The following TUSC3 variants were observed in gnomAD, a reference collection of about 807,000 sequenced individuals.
TUSC3 encodes the protein tumor suppressor candidate 3, also known as dolichyl-diphosphooligosaccharide--protein glycosyltransferase subunit TUSC3.
TUSC3 carries 45 observed loss-of-function variants against 44.8 expected under a neutral mutation model. The ratio of observed to expected loss-of-function variants is 1.00; its 90% CI spans 0.79 to 1.29. The LOEUF (loss-of-function observed/expected upper bound fraction) is 1.29. Among genes scored for constraint, TUSC3 ranks in the 50% most tolerant of loss-of-function variants. The pLI, the probability that TUSC3 is intolerant of heterozygous loss-of-function variation, is 0.00. For missense variants in TUSC3, 519 were observed against 437.9 expected, an observed-to-expected ratio of 1.19 and a Z score of -1.65; for synonymous variants, 212 against 152.9, an observed-to-expected ratio of 1.39 and a Z score of -2.85.
At chr8:15,767,075 G>C (rs1325191235), downstream of TUSC3, among the ~76,000 whole-genome samples, 1 of 152,020 alleles carries the variant, frequency 6.6e-6, no homozygotes, top group Non-Finnish European at 1.5e-5. Context: ...ATGTAATAAT[G>C]TTTTCTCTAA....
At chr8:15,719,350 T>C (rs1810200697) in intron 6 of TUSC3, among the ~76,000 whole-genome samples, 2 of 152,094 alleles carry the variant, frequency 1.3e-5, no homozygotes, top group African/African-American at 2.4e-5. Context: ...TGTGCTCAGA[T>C]GCCAAAGATG....
At chr8:15,469,997 T>A (rs147241507) in intron 1 of TUSC3, among the ~76,000 whole-genome samples, 42 of 152,180 alleles carry the variant, frequency 2.8e-4, no homozygotes, top group Non-Finnish European at 4.9e-4. Context: ...GGCTTACGCC[T>A]GTAATCCCAG....
chr8:15,768,318 T>C (rs1014535372), downstream of TUSC3, among the ~76,000 whole-genome samples: 2 of 152,126 alleles, frequency 1.3e-5, no homozygotes, highest in Admixed American at 1.3e-4. Context: ...CAAGCCGTGA[T>C]AACAAAACTT....
chr8:15,622,620 A>G (rs1473542850), intron 1 of TUSC3, among the ~76,000 whole-genome samples: 2 of 152,180 alleles, frequency 1.3e-5, no homozygotes, highest in Non-Finnish European at 2.9e-5. Flanking sequence ...GTAGAATCAT[A>G]CAACACTCTT....
chr8:15,447,897 A>G (rs1471496019), intron 1 of TUSC3, among the ~76,000 whole-genome samples: 2 of 151,590 alleles, frequency 1.3e-5, no homozygotes, highest in South Asian at 2.1e-4. Flanking sequence ...CAAAAAAATT[A>G]AAGGATATAA....
At chr8:15,471,703 C>T (rs1055242952) in intron 1 of TUSC3, among the ~76,000 whole-genome samples, 1 of 151,738 alleles carries the variant, frequency 6.6e-6, no homozygotes, top group African/African-American at 2.4e-5. Flanking sequence ...CTGCAACCTC[C>T]GCCCTCCAGG....
At chr8:15,588,117 T>G (rs939962188) in intron 1 of TUSC3, among the ~76,000 whole-genome samples, 3 of 152,122 alleles carry the variant, frequency 2.0e-5, no homozygotes, top group Non-Finnish European at 1.5e-5. Flanking sequence ...AGTTCTGTTT[T>G]TAGTTTTTTG....
the TUSC3 span, among the ~76,000 whole-genome samples, chr8:15,793,370 G>A: frequency 6.6e-6 from 1 of 152,012 alleles, no homozygotes; most frequent in African/African-American, 2.4e-5. Flanking sequence ...CTTTTCCCCT[G>A]TACTCCAGCC....
intron 1 of TUSC3, among the ~76,000 whole-genome samples, chr8:15,582,228 A>T (rs1446913597): frequency 6.6e-6 from 1 of 152,166 alleles, no homozygotes; most frequent in Non-Finnish European, 1.5e-5. Context: ...TAGTGAGAGA[A>T]ACCTGGTACC....
chr8:15,638,007 G>A (rs879900804), intron 2 of TUSC3, among the ~76,000 whole-genome samples: 2 of 152,090 alleles, frequency 1.3e-5, no homozygotes, highest in Non-Finnish European at 2.9e-5. Context: ...ACAAAGTGGT[G>A]CATTCTTAAG....
rs577540847 is a variant in TUSC3 at position 15,696,757 on chromosome 8, T to C, written c.798+22921T>C. Among the ~76,000 whole-genome samples the C allele has an allele frequency of 2.0e-5, 3 of 152,326 alleles. No homozygotes were observed. In the South Asian group the frequency reaches 6.2e-4, roughly 32 times the overall value. On this transcript the variant is annotated intron_variant, in intron 6 of 10. Transcript: ENST00000503731. Reference sequence around the variant, plus strand: ...GGGATATCTGTCTGTAGTTTTCTTTTTTGGTTATGTCTTTTCCTGGTTTTG... The same window carrying C: ...GGGATATCTGTCTGTAGTTTTCTTTCTTGGTTATGTCTTTTCCTGGTTTTG...
chr8:15,427,753 T>G (rs1799822217), intron 1 of TUSC3, among the ~76,000 whole-genome samples: 1 of 152,180 alleles, frequency 6.6e-6, no homozygotes, highest in South Asian at 2.1e-4. Context: ...TAACTACCAC[T>G]GCTAACAGCC....
At chr8:15,612,868 G>A (rs1024899962) in intron 1 of TUSC3, among the ~76,000 whole-genome samples, 16 of 151,930 alleles carry the variant, frequency 1.1e-4, no homozygotes, top group Admixed American at 2.6e-4. Flanking sequence ...AAAGCCAACC[G>A]ATCACCCACT....
At chr8:15,618,860 C>A (rs1805111705) in intron 1 of TUSC3, among the ~76,000 whole-genome samples, 2 of 152,090 alleles carry the variant, frequency 1.3e-5, no homozygotes, top group South Asian at 4.1e-4. Context: ...CCACGGCTGC[C>A]CTTCAGTATT....
At chr8:15,691,871 T>C (rs890587803) in intron 6 of TUSC3, among the ~76,000 whole-genome samples, 2 of 152,032 alleles carry the variant, frequency 1.3e-5, no homozygotes, top group Non-Finnish European at 2.9e-5. Context: ...CTCTGCCTCT[T>C]GGGTTCAAAC....
At chr8:15,711,463 C>T (rs1183762681) in intron 6 of TUSC3, among the ~76,000 whole-genome samples, 6 of 144,908 alleles carry the variant, frequency 4.1e-5, no homozygotes, top group Admixed American at 3.5e-4. Context: ...CAAAAAGGTA[C>T]GTGTGTGTGT....
chr8:15,584,789 G>C (rs1423050547), intron 1 of TUSC3, among the ~76,000 whole-genome samples: 3 of 152,122 alleles, frequency 2.0e-5, no homozygotes, highest in East Asian at 3.9e-4. Flanking sequence ...AGTATAGTGA[G>C]TTTAGGGAAT....
At chr8:15,776,404 T>G in the TUSC3 span, among the ~76,000 whole-genome samples, 6 of 152,060 alleles carry the variant, frequency 3.9e-5, no homozygotes, top group Non-Finnish European at 7.4e-5. Context: ...GGCTATTGCT[T>G]GATAACTAAG....
At chr8:15,543,138 T>A (rs1307253969) in intron 1 of TUSC3, among the ~76,000 whole-genome samples, 1 of 152,232 alleles carries the variant, frequency 6.6e-6, no homozygotes, top group Non-Finnish European at 1.5e-5. Flanking sequence ...GTATGTGGTC[T>A]CTTTCTGTCT....
Sources: allele counts gnomAD v4.1 joint callset (sites outside exome capture counted in the v4.1 genomes callset), GRCh38; gene constraint gnomAD v4.1.1; transcripts MANE v1.5; gene names NCBI Gene and HGNC (gene_info 2026-07-23, HGNC 2026-07-21).